Variants in ATP11C observed in about 807,000 individuals in gnomAD.
ATP11C encodes ATPase phospholipid transporting 11C (ATP11C blood group).
ATP11C carries 36 observed loss-of-function variants against 97.4 expected under a neutral mutation model. The observed-to-expected ratio is 0.37, with a 90% CI of 0.28 to 0.49. The LOEUF is 0.49. Among genes scored for constraint, ATP11C ranks in the 20% least tolerant of loss-of-function variants. The pLI is 0.98. For synonymous variants in ATP11C, 275 were observed against 290.9 expected (o/e 0.95, Z 0.56); for missense variants, 730 against 824.6 (o/e 0.89, Z 1.40).
At chrX:139,775,551 C>G (rs1265789615) in intron 18 of ATP11C, among the ~76,000 whole-genome samples, 1 of 112,412 alleles carries the variant, frequency 8.9e-6, no homozygotes, top group Non-Finnish European at 1.9e-5. Flanking sequence ...CAAGAGAAAG[C>G]TGGGATACAG....
At chrX:139,730,423 A>G (rs1421512408) in intron 29 of ATP11C, among the ~76,000 whole-genome samples, 1 of 111,399 alleles carries the variant, frequency 9.0e-6, no homozygotes, top group Non-Finnish European at 1.9e-5. Context: ...AAGGGAAAAC[A>G]TACTCAGGTA....
chrX:139,758,480 G>C (rs1239327190), intron 22 of ATP11C, among the ~76,000 whole-genome samples: 1 of 111,460 alleles, frequency 9.0e-6, no homozygotes, highest in Non-Finnish European at 1.9e-5. Context: ...TGGCAGGCAA[G>C]TGAGCATTAG....
chrX:139,884,663 T>A (rs1013186240), intron 1 of ATP11C, among the ~76,000 whole-genome samples: 2 of 111,910 alleles, frequency 1.8e-5, no homozygotes, highest in Non-Finnish European at 1.9e-5. Context: ...GCAAACTGAT[T>A]TAGTAAATAC....
In ATP11C at chrX:139,914,577, G is replaced by A. The variant is rs774220140; in HGVS notation, c.27+17439C>T. Among the ~76,000 whole-genome samples, 3 of 112,374 alleles carry A rather than the reference G, an allele frequency of 2.7e-5. No homozygotes were observed. The South Asian group carries it at 1.1e-3, about 41-fold the overall frequency. On this transcript the variant is annotated intron_variant, in intron 1 of 29. Coordinates refer to ENST00000682941, the MANE Select transcript of ATP11C (RefSeq NM_001353812.2). ...CTGGATGAGATTAACATTTGAATCA[G>A]AAGACTGAGTAAAGCAGATTGCCCT...
chrX:139,848,644 C>G (rs1204893894), intron 1 of ATP11C, among the ~76,000 whole-genome samples: 1 of 110,580 alleles, frequency 9.0e-6, no homozygotes, highest in Non-Finnish European at 1.9e-5. Flanking sequence ...GGCCTACAGG[C>G]ATGTAGCACT....
chrX:139,792,405 G>A (rs1035316220), intron 12 of ATP11C, among the ~76,000 whole-genome samples: 1 of 110,786 alleles, frequency 9.0e-6, no homozygotes, highest in African/African-American at 3.3e-5. Flanking sequence ...ACCTGCTCTA[G>A]TAAACTAATC....
intron 1 of ATP11C, among the ~76,000 whole-genome samples, chrX:139,853,075 C>A (rs1007810501): frequency 9.0e-6 from 1 of 111,393 alleles, no homozygotes; most frequent in African/African-American, 3.3e-5. Flanking sequence ...CCTCCTGGGA[C>A]AGGCAAGGCG....
At chrX:139,847,141 T>G (rs2083920770) in intron 1 of ATP11C, among the ~76,000 whole-genome samples, 1 of 110,893 alleles carries the variant, frequency 9.0e-6, no homozygotes, top group African/African-American at 3.3e-5. Context: ...TCCCAACACT[T>G]TGGGAGGCCC....
At chrX:139,879,851 A>T (rs1603410351) in intron 1 of ATP11C, among the ~76,000 whole-genome samples, 1 of 111,758 alleles carries the variant, frequency 8.9e-6, no homozygotes, top group Admixed American at 9.6e-5. Flanking sequence ...GCAAGGAAAT[A>T]ACTACTTTAA....
chrX:139,861,932 C>T (rs1274277491), intron 1 of ATP11C, among the ~76,000 whole-genome samples: 1 of 110,945 alleles, frequency 9.0e-6, no homozygotes, highest in Non-Finnish European at 1.9e-5. Flanking sequence ...TTCACCTGCC[C>T]AAGGGAAGAC....
chrX:139,903,938 T>C lies in ATP11C; in HGVS notation c.27+28078A>G, dbSNP rs898982423. Among the ~76,000 whole-genome samples the C allele has an allele frequency of 3.6e-5, 4 of 111,344 alleles. No individual in the cohort carries two copies. In the Admixed American group the frequency reaches 3.8e-4, roughly 11 times the overall value. On this transcript the variant is annotated intron_variant, in intron 1 of 29. Transcript: ENST00000682941. Reference sequence around the variant, plus strand: ...CCTGGAGGGTTTGTTAGAATACAGATTGCCAGGCCCTACCCAGAGTTTCTG... The same window carrying C: ...CCTGGAGGGTTTGTTAGAATACAGACTGCCAGGCCCTACCCAGAGTTTCTG...
chrX:139,840,878 G>C (rs1027585957), intron 1 of ATP11C, among the ~76,000 whole-genome samples: 2 of 110,734 alleles, frequency 1.8e-5, no homozygotes, highest in Admixed American at 9.6e-5. Flanking sequence ...GGTGGGAAGG[G>C]GGTGAGGGAT....
At chrX:139,904,818 C>G (rs775703687) in intron 1 of ATP11C, among the ~76,000 whole-genome samples, 1 of 111,483 alleles carries the variant, frequency 9.0e-6, no homozygotes, top group South Asian at 3.7e-4. Flanking sequence ...AAACAGAATA[C>G]AGTAGGAGGG....
In ATP11C at chrX:139,903,605, T is replaced by TA. The variant is rs1273095029; in HGVS notation, c.27+28410dup. ...CCCTTTATAATAAACCGGTAAGCAT[T>TA]AAAAAAAAAAAAATTAACTATAAAA... On this transcript the variant is annotated intron_variant, in intron 1 of 29. Coordinates refer to ENST00000682941, the MANE Select transcript of ATP11C (RefSeq NM_001353812.2). Among the ~76,000 whole-genome samples, 136 of 100,437 alleles carry TA rather than the reference T, an allele frequency of 1.4e-3. 1 individual carries two copies. The highest frequency in any genetic ancestry group is 2.0e-3 in the African/African-American group (56 of 27,799). 87.2% of individuals were successfully genotyped at this position (100,437 alleles called of 115,157 possible). A position where few individuals can be genotyped will look rare whatever the true frequency, so the allele number is the denominator to read the frequency against.
intron 1 of ATP11C, among the ~76,000 whole-genome samples, chrX:139,883,373 C>G (rs1271306831): frequency 1.8e-5 from 2 of 110,577 alleles, no homozygotes; most frequent in Non-Finnish European, 3.8e-5. Flanking sequence ...GTAGAAGAAA[C>G]TATTCCCAAA....
At chrX:139,892,909 G>A (rs2084751541) in intron 1 of ATP11C, among the ~76,000 whole-genome samples, 1 of 111,948 alleles carries the variant, frequency 8.9e-6, no homozygotes, top group South Asian at 3.7e-4. Context: ...ACATCAGAGA[G>A]TATGAGGCAC....
intron 1 of ATP11C, among the ~76,000 whole-genome samples, chrX:139,834,380 G>C (rs2083715299): frequency 9.0e-6 from 1 of 111,570 alleles, no homozygotes; most frequent in African/African-American, 3.3e-5. Context: ...TTGTGGCAGA[G>C]TACACAGGCA....
At chrX:139,935,401 A>G (rs2085512074), upstream of ATP11C, among the ~76,000 whole-genome samples, 1 of 111,367 alleles carries the variant, frequency 9.0e-6, no homozygotes, top group African/African-American at 3.3e-5. Flanking sequence ...CCCTGTATCT[A>G]CTGAAAATAC....
chrX:139,778,061 T>C (rs1227039148), intron 18 of ATP11C, among the ~76,000 whole-genome samples: 3 of 110,785 alleles, frequency 2.7e-5, no homozygotes, highest in Non-Finnish European at 5.7e-5. Context: ...CTCGCTATGC[T>C]GCCCAGGCTG....
Sources: gnomAD v4.1 joint callset for allele counts (sites outside exome capture counted in the v4.1 genomes callset) on GRCh38, gnomAD v4.1.1 for gene constraint, MANE v1.5 for transcripts, NCBI Gene and HGNC (gene_info 2026-07-23, HGNC 2026-07-21) for gene names.